COL19A1: variants seen among roughly 807,000 people sequenced by gnomAD.
COL19A1 encodes the protein collagen type XIX alpha 1 chain.
COL19A1 carries 159 observed loss-of-function variants against 190.2 expected under a neutral mutation model. That is an observed-to-expected ratio of 0.84 (90% CI 0.73 to 0.95). The LOEUF is 0.95. Ranked by LOEUF, COL19A1 falls within the 40% of genes least tolerant of loss-of-function variation. COL19A1 has a pLI of 0.00. For missense variants in COL19A1, 1,418 were observed against 1,431.9 expected (o/e 0.99, Z 0.16); for synonymous variants, 509 against 458.9 (o/e 1.11, Z -1.39).
At chr6:69,950,402 C>A (rs998492419) in intron 9 of COL19A1, among the ~76,000 whole-genome samples, 7 of 151,822 alleles carry the variant, frequency 4.6e-5, no homozygotes, top group Non-Finnish European at 8.8e-5. Flanking sequence ...TAGTTCTAAT[C>A]TAATAAAGCC....
At chr6:69,869,892 C>T (rs1314339476) in intron 1 of COL19A1, among the ~76,000 whole-genome samples, 1 of 152,156 alleles carries the variant, frequency 6.6e-6, no homozygotes, top group Non-Finnish European at 1.5e-5. Context: ...AATAACAAAA[C>T]TGAGGAAATG....
intron 2 of COL19A1, among the ~76,000 whole-genome samples, chr6:69,884,395 G>A (rs1244282062): frequency 1.3e-5 from 2 of 151,722 alleles, no homozygotes; most frequent in Non-Finnish European, 2.9e-5. Flanking sequence ...AACAAAAGAT[G>A]TGATGTTATC....
At chr6:70,160,549 A>G (rs900326268) in intron 34 of COL19A1, among the ~76,000 whole-genome samples, 2 of 152,158 alleles carry the variant, frequency 1.3e-5, no homozygotes, top group African/African-American at 2.4e-5. Flanking sequence ...TGGCAGCCCA[A>G]TCTGGCCTAA....
Position 69,900,760 on chromosome 6 carries a change from T to C in COL19A1, c.266+422T>C, listed in dbSNP as rs59815902. On this transcript the variant is annotated intron_variant, in intron 4 of 50. Coordinates refer to ENST00000620364, the MANE Select transcript of COL19A1 (RefSeq NM_001858.6). ...TTAAGTTAAAATAAAAGAATTTAGC[T>C]CTTAGGTGTTCATCTTATCTATTGT... 7.1e-3 allele frequency among the ~76,000 whole-genome samples: 1,084 copies of C among 152,302 alleles called. 15 individuals are homozygous for C. The highest frequency in any genetic ancestry group is 0.022 in the African/African-American group (923 of 41,576).
chr6:70,065,261 T>A (rs552434070), intron 14 of COL19A1, among the ~76,000 whole-genome samples: 46 of 152,204 alleles, frequency 3.0e-4, no homozygotes, highest in Admixed American at 7.2e-4. Flanking sequence ...AAAACAGAGA[T>A]ATAGACCAAC....
chr6:69,939,154 G>C (rs576592189), intron 9 of COL19A1, among the ~76,000 whole-genome samples: 20 of 152,220 alleles, frequency 1.3e-4, no homozygotes, highest in Admixed American at 1.3e-3. Flanking sequence ...AAAGATTTTT[G>C]AGGAGGGACA....
At chr6:69,895,172 G>A (rs1488621401) in intron 2 of COL19A1, among the ~76,000 whole-genome samples, 3 of 152,186 alleles carry the variant, frequency 2.0e-5, no homozygotes, top group African/African-American at 7.2e-5. Flanking sequence ...GCACTGCGTA[G>A]GGTGTGGGGA....
Position 70,176,579 on chromosome 6 carries a change from C to G in COL19A1, c.2667+15C>G. 1.2e-6 allele frequency: 2 copies of G among 1,611,330 alleles called. No homozygotes were observed. Among genetic ancestry groups the G allele is most frequent in the Non-Finnish European group, 1.7e-6 (2 of 1,178,742 alleles). Reference sequence around the variant, plus strand: ...CAGGGATGTCGGTGAGTTCAGATTACTTCACATCATTTTCACAGGTAAACG... The same window carrying G: ...CAGGGATGTCGGTGAGTTCAGATTAGTTCACATCATTTTCACAGGTAAACG... On this transcript the variant is annotated intron_variant, in intron 42 of 50. Coordinates refer to ENST00000620364, the MANE Select transcript of COL19A1 (RefSeq NM_001858.6).
At chr6:70,154,223 C>T (rs1294638376) in intron 31 of COL19A1, among the ~76,000 whole-genome samples, 2 of 147,152 alleles carry the variant, frequency 1.4e-5, no homozygotes, top group Admixed American at 7.2e-5. Context: ...GTTTTCTATT[C>T]TTGTCTTAGT....
chr6:70,165,914 G>A (rs192647836), intron 36 of COL19A1, 27 bp from the exon 37 acceptor site: 3 of 1,610,770 alleles, frequency 1.9e-6, no homozygotes, highest in South Asian at 2.2e-5. Context: ...CGTCTACGCC[G>A]CTGATATGTC....
At chr6:70,000,541 A>C (rs1039378295) in intron 11 of COL19A1, among the ~76,000 whole-genome samples, 1 of 152,068 alleles carries the variant, frequency 6.6e-6, no homozygotes. Context: ...ATGTTTCTTG[A>C]CTTTTTAATA....
Position 69,897,191 on chromosome 6 carries a change from G to A in COL19A1, c.92-1757G>A, listed in dbSNP as rs190533935. Among the ~76,000 whole-genome samples the A allele has an allele frequency of 3.9e-5, 6 of 152,216 alleles. No individual in the cohort carries two copies. The East Asian group carries it at 1.2e-3, about 29-fold the overall frequency. On this transcript the variant is annotated intron_variant, in intron 2 of 50. Transcript: ENST00000620364. The stretch of plus-strand genomic sequence containing the variant: ...AAGGTTCAACATTCAGTGTTTTTCT[G>A]TATGGATATTCTGTTGACCCAGCAC...
intron 49 of COL19A1, among the ~76,000 whole-genome samples, chr6:70,206,462 C>G (rs1041359148): frequency 1.3e-5 from 2 of 151,930 alleles, no homozygotes; most frequent in Admixed American, 6.5e-5. Context: ...AACCCTGCCT[C>G]CACTAAAAAT....
At chr6:69,925,022 T>C (rs1311209327) in intron 4 of COL19A1, among the ~76,000 whole-genome samples, 4 of 152,092 alleles carry the variant, frequency 2.6e-5, no homozygotes, top group Admixed American at 6.6e-5. Context: ...AAATTTTCTC[T>C]GATTCTGTAG....
intron 14 of COL19A1, among the ~76,000 whole-genome samples, chr6:70,061,605 C>T (rs1392091837): frequency 1.3e-5 from 2 of 152,094 alleles, no homozygotes; most frequent in Admixed American, 6.6e-5. Context: ...GACTTTGCTA[C>T]ATAATTTCTT....
chr6:70,022,755 C>A (rs1486184845), intron 11 of COL19A1, among the ~76,000 whole-genome samples: 1 of 152,066 alleles, frequency 6.6e-6, no homozygotes, highest in Admixed American at 6.6e-5. Flanking sequence ...ACATTTTTCT[C>A]TAGTATAAAA....
chr6:70,095,132 T>A (rs1052891737), intron 15 of COL19A1, among the ~76,000 whole-genome samples: 1 of 152,146 alleles, frequency 6.6e-6, no homozygotes. Flanking sequence ...GTTTGCCCAT[T>A]TTGTTCTTTG....
At chr6:70,156,054 A>G in intron 31 of COL19A1, 73 bp from the exon 32 acceptor site, 1 of 1,352,808 alleles carries the variant, frequency 7.4e-7, no homozygotes. Context: ...AAAAAACTTC[A>G]CATCACATGA....
chr6:69,989,487 C>T (rs4599586), intron 11 of COL19A1, among the ~76,000 whole-genome samples: 19,004 of 151,728 alleles, frequency 0.13, 1,680 homozygotes, highest in East Asian at 0.38. Context: ...GTCCCAACCA[C>T]GGCCTAGAAC....
Sources: allele counts gnomAD v4.1 joint callset (sites outside exome capture counted in the v4.1 genomes callset), GRCh38; gene constraint gnomAD v4.1.1; transcripts MANE v1.5; gene names NCBI Gene and HGNC (gene_info 2026-07-23, HGNC 2026-07-21).